TASP1: variants seen among roughly 807,000 people sequenced by gnomAD.
TASP1 encodes taspase 1.
Under a neutral mutation model 56.6 loss-of-function variants are expected in TASP1, and 16 were observed. The observed-to-expected ratio is 0.28, with a 90% CI of 0.19 to 0.43. The LOEUF is 0.43. TASP1 is among the 20% of genes least tolerant of loss of function. TASP1 has a pLI of 1.00. For synonymous variants in TASP1, 179 were observed against 184.2 expected (o/e 0.97, Z 0.23); for missense variants, 393 against 511.6 (o/e 0.77, Z 2.24).
At chr20:13,269,433 T>C in the TASP1 span, among the ~76,000 whole-genome samples, 1 of 152,236 alleles carries the variant, frequency 6.6e-6, no homozygotes, top group East Asian at 1.9e-4. Flanking sequence ...AACCATTAGA[T>C]TTCAGAATGC....
At chr20:13,123,914 A>T in the TASP1 span, among the ~76,000 whole-genome samples, 1 of 152,200 alleles carries the variant, frequency 6.6e-6, no homozygotes, top group African/African-American at 2.4e-5. Flanking sequence ...TCAATAGAGA[A>T]AGGCAATCCC....
the TASP1 span, among the ~76,000 whole-genome samples, chr20:13,255,005 G>A: frequency 2.0e-5 from 3 of 152,192 alleles, no homozygotes; most frequent in Admixed American, 1.3e-4. Flanking sequence ...GAACAGACAC[G>A]GTCCCTGCCT....
At chr20:13,454,801 C>T (rs2043764868) in intron 11 of TASP1, among the ~76,000 whole-genome samples, 1 of 151,930 alleles carries the variant, frequency 6.6e-6, no homozygotes. Context: ...TCCCTGGAGG[C>T]CTTGTTTATC....
At chr20:13,260,301 A>C in the TASP1 span, among the ~76,000 whole-genome samples, 4 of 152,256 alleles carry the variant, frequency 2.6e-5, no homozygotes, top group Non-Finnish European at 5.9e-5. Context: ...AGAGCTGTAC[A>C]GGTGCATCAT....
chr20:13,368,914 T>C, the TASP1 span, among the ~76,000 whole-genome samples: 34 of 152,324 alleles, frequency 2.2e-4, 1 homozygote, highest in South Asian at 6.2e-3. Flanking sequence ...TGTGGGTCTA[T>C]GGATGTAGCC....
At chr20:13,173,638 A>C in the TASP1 span, among the ~76,000 whole-genome samples, 21,882 of 152,088 alleles carry the variant, frequency 0.14, 1,626 homozygotes, top group East Asian at 0.21. Flanking sequence ...AGTCTGGCCC[A>C]TATGCTCCTC....
intron 11 of TASP1, among the ~76,000 whole-genome samples, chr20:13,479,989 C>A (rs1339537636): frequency 6.6e-6 from 1 of 152,210 alleles, no homozygotes; most frequent in Non-Finnish European, 1.5e-5. Context: ...GAGAAAAAAA[C>A]TCAACCTCCT....
At chr20:13,288,396 T>C in the TASP1 span, 3 of 857,300 alleles carry the variant, frequency 3.5e-6, no homozygotes, top group Non-Finnish European at 5.3e-6. Context: ...GCTGTAAACC[T>C]TTTAGCTCCA....
the TASP1 span, among the ~76,000 whole-genome samples, chr20:13,359,275 C>T: frequency 1.3e-5 from 2 of 149,126 alleles, no homozygotes; most frequent in African/African-American, 2.6e-5. Context: ...AAGGAATGCC[C>T]GCAGGCCAGG....
chr20:13,420,258 T>A (rs7346407), intron 12 of TASP1, among the ~76,000 whole-genome samples: 1 of 152,184 alleles, frequency 6.6e-6, no homozygotes, highest in Non-Finnish European at 1.5e-5. Flanking sequence ...TTTCAAAAAA[T>A]GGAATAAACA....
chr20:13,471,888 G>T (rs114380481), intron 11 of TASP1, among the ~76,000 whole-genome samples: 3 of 152,136 alleles, frequency 2.0e-5, no homozygotes, highest in African/African-American at 7.2e-5. Flanking sequence ...TCCAGGAAGC[G>T]CAAGGGGTCA....
At chr20:13,316,595 A>C in the TASP1 span, among the ~76,000 whole-genome samples, 1 of 152,016 alleles carries the variant, frequency 6.6e-6, no homozygotes, top group Admixed American at 6.6e-5. Flanking sequence ...CCCCATGACC[A>C]AGTGGGATTT....
the TASP1 span, among the ~76,000 whole-genome samples, chr20:13,333,112 C>T: frequency 2.6e-5 from 4 of 152,198 alleles, no homozygotes; most frequent in East Asian, 5.8e-4. Flanking sequence ...GCAGAACATC[C>T]CACCAAGTGT....
the TASP1 span, among the ~76,000 whole-genome samples, chr20:13,289,586 T>C: frequency 6.6e-6 from 1 of 151,960 alleles, no homozygotes; most frequent in Non-Finnish European, 1.5e-5. Context: ...CCCATACATT[T>C]TTAAACTGTT....
the TASP1 span, among the ~76,000 whole-genome samples, chr20:13,279,248 A>T: frequency 6.6e-6 from 1 of 152,222 alleles, no homozygotes; most frequent in South Asian, 2.1e-4. Flanking sequence ...GAACAAATAT[A>T]GTACATGTTT....
At chr20:13,122,552 C>T in the TASP1 span, among the ~76,000 whole-genome samples, 1 of 152,186 alleles carries the variant, frequency 6.6e-6, no homozygotes, top group African/African-American at 2.4e-5. Flanking sequence ...GTTCTACCAC[C>T]TTTTGGGAAT....
chr20:13,513,394 A>C (rs1033122521), intron 10 of TASP1, among the ~76,000 whole-genome samples: 34 of 152,084 alleles, frequency 2.2e-4, no homozygotes, highest in African/African-American at 7.0e-4. Context: ...GCATGGGAAG[A>C]AACAAAAGAG....
At chr20:13,358,377 A>T in the TASP1 span, among the ~76,000 whole-genome samples, 2 of 152,192 alleles carry the variant, frequency 1.3e-5, no homozygotes, top group Non-Finnish European at 2.9e-5. Context: ...TGGGAGATCA[A>T]TCCCCCGTCC....
the TASP1 span, among the ~76,000 whole-genome samples, chr20:13,336,464 A>T: frequency 1.3e-5 from 2 of 151,920 alleles, no homozygotes; most frequent in Non-Finnish European, 2.9e-5. Flanking sequence ...CCCGCAGTGG[A>T]AGAATTGAGG....
Sources: gnomAD v4.1 joint callset for allele counts (sites outside exome capture counted in the v4.1 genomes callset) on GRCh38, gnomAD v4.1.1 for gene constraint, MANE v1.5 for transcripts, NCBI Gene and HGNC (gene_info 2026-07-23, HGNC 2026-07-21) for gene names.